PFKL: variants seen among roughly 807,000 people sequenced by gnomAD.
PFKL encodes phosphofructokinase, liver type.
A neutral mutation model predicts 92.1 loss-of-function variants in PFKL; 74 were observed. That is an observed-to-expected ratio of 0.80 (90% CI 0.67 to 0.97). PFKL has a LOEUF of 0.97. Among genes scored for constraint, PFKL ranks in the 50% least tolerant of loss-of-function variants. The pLI, the probability that PFKL is intolerant of heterozygous loss-of-function variation, is 0.00. For missense variants in PFKL, 1,028 were observed against 1,116.6 expected (o/e 0.92, Z 1.13); for synonymous variants, 494 against 456.4 (o/e 1.08, Z -1.05).
In PFKL at chr21:44,321,662, C is replaced by T. The variant is rs147729574; in HGVS notation, c.1192-67C>T. ...TTTCCAGAACCTGCCGGCCTGCTGA[C>T]CTCCTGTGCAGGTTGGGGGTCCCCT... On this transcript the variant is annotated intron_variant, in intron 12 of 21. Transcript: ENST00000349048. The T allele has an allele frequency of 1.0e-4, 145 of 1,441,338 alleles. No homozygotes were observed. In the African/African-American group the frequency reaches 1.8e-3, roughly 18 times the overall value. The allele number at this position is 1,441,338 out of a possible 1,614,324, so 89.3% of individuals were successfully genotyped here.
At chr21:44,304,136 A>C in intron 1 of PFKL, 2 of 1,175,138 alleles carry the variant, frequency 1.7e-6, no homozygotes, top group Non-Finnish European at 2.2e-6. Context: ...CCAAGGGCTC[A>C]GCACAAAGCT....
chr21:44,324,757 G>T lies in PFKL; in HGVS notation c.1816-99G>T, dbSNP rs2047452667. On this transcript the variant is annotated intron_variant, in intron 17 of 21. Coordinates refer to ENST00000349048, the MANE Select transcript of PFKL (RefSeq NM_002626.6). The stretch of plus-strand genomic sequence containing the variant: ...CGCAGGGCAGGGCCCGGGCAGGTGG[G>T]ACGCGTAGCCCAGTGCTCCTGCTGG... 5.7e-6 allele frequency: 9 copies of T among 1,567,264 alleles called. No homozygotes were observed. The South Asian group carries it at 8.0e-5, about 14-fold the overall frequency.
intron 1 of PFKL, among the ~76,000 whole-genome samples, chr21:44,302,036 C>T (rs1387581733): frequency 3.3e-5 from 5 of 152,332 alleles, no homozygotes; most frequent in Non-Finnish European, 5.9e-5. Flanking sequence ...GATGCCCCTC[C>T]TGGCCCTGTG....
intron 19 of PFKL, 71 bp from the exon 20 acceptor site, chr21:44,325,890 T>C (rs2047492658): frequency 3.5e-6 from 4 of 1,134,498 alleles, no homozygotes; most frequent in Non-Finnish European, 3.9e-6. Context: ...GGGGATCCTG[T>C]CTGCACTGGC....
Position 44,312,092 on chromosome 21 carries a change from C to G in PFKL, c.238-13C>G, listed in dbSNP as rs771969697. On this transcript the variant is annotated splice_polypyrimidine_tract_variant and intron_variant, in intron 3 of 21. Coordinates refer to ENST00000349048, the MANE Select transcript of PFKL (RefSeq NM_002626.6). ...TGCCATCTCTCCTGAAGTTTCTGGT[C>G]TCCTCTGTGCAGGGCGGCACTATCA... 1.4e-6 allele frequency: 2 copies of G among 1,449,494 alleles called. No homozygotes were observed. Among genetic ancestry groups the G allele is most frequent in the South Asian group, 1.5e-5 (1 of 68,276 alleles). 89.8% of individuals were successfully genotyped at this position (1,449,494 alleles called of 1,614,324 possible). A position where few individuals can be genotyped will look rare whatever the true frequency, so the allele number is the denominator to read the frequency against.
intron 2 of PFKL, among the ~76,000 whole-genome samples, chr21:44,309,924 G>A (rs914015694): frequency 6.6e-6 from 1 of 152,344 alleles, no homozygotes; most frequent in African/African-American, 2.4e-5. Context: ...CATGCGCCCC[G>A]CAGCGCGCAC....
intron 2 of PFKL, among the ~76,000 whole-genome samples, chr21:44,309,625 G>A (rs1033390279): frequency 1.1e-4 from 16 of 152,268 alleles, no homozygotes; most frequent in African/African-American, 2.9e-4. Context: ...CCTGGCTGGC[G>A]CCTGGGCTCT....
At chr21:44,322,088 C>T in intron 13 of PFKL, 45 bp from the exon 14 acceptor site, 3 of 1,571,464 alleles carry the variant, frequency 1.9e-6, no homozygotes, top group Non-Finnish European at 2.6e-6. Context: ...GGGGAATTGG[C>T]CAGAGGCTCA....
At chr21:44,303,294 C>G (rs1322071246) in intron 1 of PFKL, among the ~76,000 whole-genome samples, 1 of 151,358 alleles carries the variant, frequency 6.6e-6, no homozygotes, top group Non-Finnish European at 1.5e-5. Flanking sequence ...GCCTGTAGTC[C>G]CAGCTACTCG....
chr21:44,325,734 G>C, intron 19 of PFKL: 1 of 564,680 alleles, frequency 1.8e-6, no homozygotes, highest in South Asian at 2.2e-5. Context: ...TTGGCCAGGG[G>C]CAGCCGACTG....
In PFKL at chr21:44,316,248, G is replaced by A. The variant is rs1568958083; in HGVS notation, c.752G>A (p.Arg251Gln). The A allele has an allele frequency of 1.9e-6, 3 of 1,612,912 alleles. No homozygotes were observed. Among genetic ancestry groups the A allele is most frequent in the Middle Eastern group, 1.6e-4 (1 of 6,062 alleles). ...CCTGTCGTGTCTTTGACCCAGACTC[G>A]GAGCCGTGGGTCCCGACTGAACATC... is the stretch of plus-strand genomic sequence containing the variant. The part of the protein sequence containing the change: ...NFMCERLGET[R>Q]SRGSRLNIII... Residue 251 changes from arginine to glutamine, a missense_variant, in exon 8 of 22, where the codon CGG becomes CAG. Arg to Gln is a conservative substitution (Grantham distance 43, BLOSUM62 1). Coordinates refer to ENST00000349048, the MANE Select transcript of PFKL (RefSeq NM_002626.6).
chr21:44,307,694 G>C (rs2040992852), intron 2 of PFKL, among the ~76,000 whole-genome samples: 2 of 151,942 alleles, frequency 1.3e-5, no homozygotes, highest in Admixed American at 6.6e-5. Context: ...TGGGCAGTCT[G>C]TGCTGGCCCG....
intron 16 of PFKL, 74 bp from the exon 17 acceptor site, chr21:44,324,417 C>A: frequency 6.6e-7 from 1 of 1,506,304 alleles, no homozygotes; most frequent in South Asian, 1.2e-5. Flanking sequence ...GGGCTCCCTG[C>A]AGGGTAGCCA....
chr21:44,325,020 T>A, intron 18 of PFKL, 103 bp downstream of exon 18: 1 of 1,265,904 alleles, frequency 7.9e-7, no homozygotes, highest in Admixed American at 2.0e-5. Context: ...GGAGGGGTCC[T>A]TGGAGAGGGT....
Position 44,313,069 on chromosome 21 carries a change from C to T in PFKL, c.519C>T (p.Asp173=). ...TCGATAACGACTTCTGCGGCACCGA[C>T]ATGACCATCGGCACGGACTCGGCCC... ...GSIDNDFCGT[D]MTIGTDSALH... Residue 173 remains aspartate (D), a synonymous_variant, in exon 5 of 22, where the codon GAC becomes GAT. Transcript: ENST00000349048. The T allele has an allele frequency of 6.2e-7, 1 of 1,613,240 alleles. No individual in the cohort carries two copies. The highest frequency in any genetic ancestry group is 8.5e-7 in the Non-Finnish European group (1 of 1,179,964).
chr21:44,300,245 CTGG>C, intron 1 of PFKL, 55 bp downstream of exon 1: 1 of 880,198 alleles, frequency 1.1e-6, no homozygotes, highest in Non-Finnish European at 1.4e-6. Context: ...CGCCTCCGCC[CTGG>C]CCTCTCCGGA....
chr21:44,312,210 G>A lies in PFKL; in HGVS notation c.343G>A (p.Val115Ile), dbSNP rs371821359. The A allele has an allele frequency of 2.0e-4, 329 of 1,605,796 alleles. 3 individuals carry two copies. Among genetic ancestry groups the A allele is most frequent in the East Asian group, 6.8e-5 (3 of 44,378 alleles). The change falls in exon 4 of 22, where the codon GTC becomes ATC. Residue 115 changes from valine (V) to isoleucine (I), a missense_variant. Transcript: ENST00000349048. ...LVQHGITNLC[V>I]IGGDGSLTGA... ...CCAGCACGGCATCACCAACCTGTGC[G>A]TCATCGGCGGGGATGGCAGCCTCAC...
intron 1 of PFKL, among the ~76,000 whole-genome samples, chr21:44,301,862 C>T (rs996871445): frequency 5.9e-5 from 9 of 152,074 alleles, no homozygotes; most frequent in Non-Finnish European, 1.3e-4. Flanking sequence ...TGGGGTGGCA[C>T]GTGCCCCCCC....
intron 12 of PFKL, chr21:44,321,065 C>G (rs111841651): frequency 1.3e-5 from 2 of 152,274 alleles, no homozygotes; most frequent in Non-Finnish European, 2.9e-5. Context: ...AGGGGCGTGA[C>G]TGGCTTTGTG....
Sources: gnomAD v4.1 joint callset for allele counts (sites outside exome capture counted in the v4.1 genomes callset) on GRCh38, gnomAD v4.1.1 for gene constraint, MANE v1.5 for transcripts, NCBI Gene and HGNC (gene_info 2026-07-23, HGNC 2026-07-21) for gene names.